Variants in GPC6 observed in about 807,000 individuals in gnomAD.
GPC6 encodes glypican 6.
In GPC6, 14 loss-of-function variants were observed where a neutral mutation model predicts 55.2. That is an observed-to-expected ratio of 0.25 (90% confidence interval 0.17 to 0.40). GPC6 has a LOEUF of 0.40. Among genes scored for constraint, GPC6 ranks in the 10% least tolerant of loss-of-function variants. The pLI is 1.00. For missense variants in GPC6, 641 were observed against 708.5 expected (o/e 0.90, Z 1.08); for synonymous variants, 278 against 259.6 (o/e 1.07, Z -0.68).
Position 93,912,552 on chromosome 13 carries a change from G to A in GPC6, c.711+82007G>A, listed in dbSNP as rs371034136. ...AGGTCAGGAGATCGAGACCATCCTG[G>A]CTAACACGGTGAAACCCCATCTCTA... On this transcript the variant is annotated intron_variant, in intron 3 of 8. Transcript: ENST00000377047. 5.9e-5 allele frequency among the ~76,000 whole-genome samples: 9 copies of A among 152,144 alleles called. No homozygotes were observed. The South Asian group carries it at 1.0e-3, about 18-fold the overall frequency.
intron 1 of GPC6, among the ~76,000 whole-genome samples, chr13:93,252,178 C>T (rs1210768531): frequency 6.6e-6 from 1 of 152,156 alleles, no homozygotes; most frequent in Non-Finnish European, 1.5e-5. Flanking sequence ...AACAAGCTCC[C>T]AGGAAATGCA....
chr13:94,095,983 A>C (rs1291853004), intron 4 of GPC6, among the ~76,000 whole-genome samples: 1 of 152,224 alleles, frequency 6.6e-6, no homozygotes, highest in Admixed American at 6.5e-5. Flanking sequence ...CAAATGGAGA[A>C]AGCCACACAG....
intron 6 of GPC6, among the ~76,000 whole-genome samples, chr13:94,325,188 GAAGA>G: frequency 6.6e-6 from 1 of 152,104 alleles, no homozygotes; most frequent in East Asian, 1.9e-4. Context: ...GAGGAGAAGA[GAAGA>G]AAGAAGAAAG....
At chr13:93,322,260 G>A (rs927979972) in intron 1 of GPC6, among the ~76,000 whole-genome samples, 2 of 151,980 alleles carry the variant, frequency 1.3e-5, no homozygotes, top group Non-Finnish European at 2.9e-5. Context: ...ATTAAGCCTA[G>A]TACCCATTAG....
At chr13:93,907,111 T>A (rs900364189) in intron 3 of GPC6, among the ~76,000 whole-genome samples, 1 of 152,120 alleles carries the variant, frequency 6.6e-6, no homozygotes, top group African/African-American at 2.4e-5. Flanking sequence ...ATCTACAAGT[T>A]TCTTGTGGGA....
At chr13:93,894,076 T>A (rs1409656394) in intron 3 of GPC6, among the ~76,000 whole-genome samples, 1 of 152,200 alleles carries the variant, frequency 6.6e-6, no homozygotes, top group Non-Finnish European at 1.5e-5. Flanking sequence ...ACTATGATGA[T>A]ACTACCTCTT....
chr13:94,315,936 A>G (rs1876496357), intron 6 of GPC6, among the ~76,000 whole-genome samples: 1 of 129,292 alleles, frequency 7.7e-6, no homozygotes, highest in African/African-American at 3.0e-5. Context: ...CATCCTGAAA[A>G]CATTATGAGA....
At chr13:93,389,363 G>T (rs1027539051) in intron 1 of GPC6, among the ~76,000 whole-genome samples, 2 of 151,776 alleles carry the variant, frequency 1.3e-5, no homozygotes, top group Non-Finnish European at 2.9e-5. Context: ...AAATAGCCGG[G>T]CGTGGTGGCA....
chr13:93,315,930 G>T (rs1308499641), intron 1 of GPC6, among the ~76,000 whole-genome samples: 1 of 151,826 alleles, frequency 6.6e-6, no homozygotes, highest in African/African-American at 2.4e-5. Context: ...TAGCTAATAT[G>T]CATATATATG....
intron 3 of GPC6, among the ~76,000 whole-genome samples, chr13:93,851,544 G>C (rs965869056): frequency 1.3e-5 from 2 of 151,756 alleles, no homozygotes; most frequent in Non-Finnish European, 2.9e-5. Context: ...TGCAGTAGAG[G>C]GAAATAAGTA....
At chr13:94,304,306 T>C (rs764584110) in intron 5 of GPC6, among the ~76,000 whole-genome samples, 1 of 152,170 alleles carries the variant, frequency 6.6e-6, no homozygotes, top group African/African-American at 2.4e-5. Flanking sequence ...AAAGAAAAAT[T>C]AGCTGTAGTG....
intron 4 of GPC6, among the ~76,000 whole-genome samples, chr13:94,275,768 A>G (rs1359532755): frequency 6.6e-6 from 1 of 152,120 alleles, no homozygotes; most frequent in Non-Finnish European, 1.5e-5. Flanking sequence ...AAATAAATAG[A>G]CAAAGAAGAG....
At chr13:94,379,630 C>T (rs571355290) in intron 6 of GPC6, among the ~76,000 whole-genome samples, 2 of 152,238 alleles carry the variant, frequency 1.3e-5, no homozygotes, top group South Asian at 4.2e-4. Flanking sequence ...TGGGACAATT[C>T]AATCCATTAT....
intron 4 of GPC6, among the ~76,000 whole-genome samples, chr13:94,144,976 G>A (rs1887509907): frequency 6.6e-6 from 1 of 152,118 alleles, no homozygotes. Flanking sequence ...AAACTTTGGA[G>A]ACCTTATTGC....
chr13:93,902,228 C>T (rs1876400594), intron 3 of GPC6, among the ~76,000 whole-genome samples: 1 of 152,106 alleles, frequency 6.6e-6, no homozygotes, highest in South Asian at 2.1e-4. Flanking sequence ...TCCCCTCTCC[C>T]CTCCTCAGCC....
At chr13:94,095,742 T>G (rs1342122667) in intron 4 of GPC6, among the ~76,000 whole-genome samples, 1 of 152,012 alleles carries the variant, frequency 6.6e-6, no homozygotes, top group African/African-American at 2.4e-5. Context: ...ATGAGATAGA[T>G]GGAGGGGGAG....
At chr13:93,923,796 A>C (rs981504054) in intron 3 of GPC6, among the ~76,000 whole-genome samples, 4 of 152,242 alleles carry the variant, frequency 2.6e-5, no homozygotes, top group Non-Finnish European at 5.9e-5. Context: ...AATTACTGTC[A>C]GTATTGGATA....
At chr13:94,314,471 C>T (rs1009782880) in intron 6 of GPC6, among the ~76,000 whole-genome samples, 7 of 152,180 alleles carry the variant, frequency 4.6e-5, no homozygotes, top group African/African-American at 1.7e-4. Flanking sequence ...AGTCCATCTG[C>T]GCACTCGTTT....
At chr13:93,363,967 C>A (rs1274461580) in intron 1 of GPC6, among the ~76,000 whole-genome samples, 1 of 151,958 alleles carries the variant, frequency 6.6e-6, no homozygotes, top group Admixed American at 6.6e-5. Flanking sequence ...CCTTCACCCA[C>A]TTTTTGATGG....
Sources: allele counts gnomAD v4.1 joint callset (sites outside exome capture counted in the v4.1 genomes callset), GRCh38; gene constraint gnomAD v4.1.1; transcripts MANE v1.5; gene names NCBI Gene and HGNC (gene_info 2026-07-23, HGNC 2026-07-21).